KDM5A: variants seen among roughly 807,000 people sequenced by gnomAD.
KDM5A encodes lysine demethylase 5A, also known as lysine-specific demethylase 5A.
KDM5A carries 42 observed loss-of-function variants against 193.5 expected under a neutral mutation model. The ratio of observed to expected loss-of-function variants is 0.22; its 90% CI spans 0.17 to 0.28. The LOEUF (loss-of-function observed/expected upper bound fraction) is 0.28. KDM5A is among the 10% of genes least tolerant of loss of function. The probability of loss-of-function intolerance (pLI) is 1.00; values close to 1 mark genes in which losing one functional copy is unlikely to be tolerated. For synonymous variants in KDM5A, 796 were observed against 718.1 expected, an observed-to-expected ratio of 1.11 and a Z score of -1.73; for missense variants, 1,692 against 2,055.1, an observed-to-expected ratio of 0.82 and a Z score of 3.42.
At chr12:383,974 T>G in intron 3 of KDM5A, 57 bp downstream of exon 3, 1 of 1,563,478 alleles carries the variant, frequency 6.4e-7, no homozygotes, top group Non-Finnish European at 8.8e-7. Flanking sequence ...CAAATCTATT[T>G]GATATTCCTA....
rs190965732 is a variant in KDM5A at position 336,170 on chromosome 12, T to A, written c.1309-1748A>T. Among the ~76,000 whole-genome samples the A allele has an allele frequency of 2.1e-3, 320 of 150,000 alleles. 1 individual carries two copies. The highest frequency in any genetic ancestry group is 0.021 in the Middle Eastern group (6 of 282). The stretch of plus-strand genomic sequence containing the variant: ...GCCCAGGAATTTGAGACCAGCCTGG[T>A]CAACATGGCGGGACCCCATCTCTAC... On this transcript the variant is annotated intron_variant, in intron 10 of 27. Transcript: ENST00000399788.
rs764745389 is a variant in KDM5A, at chr12:322,533, A to G, written c.2310T>C (p.Ala770=). 72 of 1,612,866 alleles carry G rather than the reference A, an allele frequency of 4.5e-5. No homozygotes were observed. The highest frequency in any genetic ancestry group is 5.9e-5 in the Non-Finnish European group (70 of 1,179,306). Residue 770 remains alanine (A), a synonymous_variant, in exon 17 of 28, where the codon GCT becomes GCC. Coordinates refer to ENST00000399788, the MANE Select transcript of KDM5A (RefSeq NM_001042603.3). The stretch of plus-strand genomic sequence containing the variant: ...CATTCTCTGGGTATTTCCTATCCTC[A>G]GCATCTTCCAGCATTACTCGCAATT... The part of the protein sequence containing the change: ...LIELRVMLED[A]EDRKYPENDL...
chr12:337,022 G>A (rs1943942795), intron 10 of KDM5A, among the ~76,000 whole-genome samples: 1 of 152,142 alleles, frequency 6.6e-6, no homozygotes, highest in Non-Finnish European at 1.5e-5. Flanking sequence ...TTGGAGGAGG[G>A]ACCTGGTGGA....
Position 318,237 on chromosome 12 carries a change from C to T in KDM5A, c.2766G>A (p.Met922Ile), listed in dbSNP as rs1395825309. ...CTACCCCAGAGTCTATCAGCTTCTT[C>T]ATGACATCCAAAGTGACTTGTTGCG... ...SDPQQVTLDV[M>I]KKLIDSGVGL... is the part of the protein sequence containing the mutation. Residue 922 changes from methionine (M) to isoleucine (I), a missense_variant, in exon 19 of 28, where the codon ATG (methionine) becomes ATA (isoleucine). Met to Ile is a conservative substitution (Grantham distance 10). Transcript: ENST00000399788. 1.2e-6 allele frequency: 2 copies of T among 1,614,212 alleles called. No homozygotes were observed. The highest frequency in any genetic ancestry group is 2.2e-5 in the South Asian group (2 of 91,084).
At chr12:366,330 G>A (rs1000443661) in intron 3 of KDM5A, among the ~76,000 whole-genome samples, 2 of 152,048 alleles carry the variant, frequency 1.3e-5, no homozygotes, top group African/African-American at 4.8e-5. Flanking sequence ...TTCAAACCAA[G>A]CATTCAAAAA....
rs142695803 is a variant in KDM5A at position 336,276 on chromosome 12, G to A, written c.1309-1854C>T. 3.9e-3 allele frequency among the ~76,000 whole-genome samples: 590 copies of A among 150,432 alleles called. 6 individuals are homozygous for A. Among genetic ancestry groups the A allele is most frequent in the African/African-American group, 9.6e-3 (391 of 40,872 alleles). ...AGGGATGCTGAGGTGGGAGGATCCC[G>A]TGAGCCCGGGAGATTGAAGCTGTGA... is the stretch of plus-strand genomic sequence containing the variant. On this transcript the variant is annotated intron_variant, in intron 10 of 27. Coordinates refer to ENST00000399788, the MANE Select transcript of KDM5A (RefSeq NM_001042603.3).
At chr12:363,619 C>T (rs941917025) in intron 4 of KDM5A, among the ~76,000 whole-genome samples, 6 of 151,918 alleles carry the variant, frequency 3.9e-5, no homozygotes, top group Non-Finnish European at 8.8e-5. Context: ...ACTATACACA[C>T]AAAAAAAGCC....
chr12:308,059 A>C, intron 22 of KDM5A, 54 bp from the exon 23 acceptor site: 3 of 1,535,582 alleles, frequency 2.0e-6, no homozygotes, highest in Non-Finnish European at 2.7e-6. Flanking sequence ...ACCCCCCAAA[A>C]TACCAAATCC....
intron 20 of KDM5A, among the ~76,000 whole-genome samples, chr12:311,771 C>T (rs1468150504): frequency 5.9e-5 from 9 of 152,138 alleles, no homozygotes; most frequent in Non-Finnish European, 1.5e-5. Context: ...CGGTGGCTCA[C>T]GCCTGTAATC....
intron 26 of KDM5A, among the ~76,000 whole-genome samples, chr12:293,608 G>C (rs896341030): frequency 6.6e-6 from 1 of 151,836 alleles, no homozygotes; most frequent in Non-Finnish European, 1.5e-5. Flanking sequence ...ACGAAACCCC[G>C]ACTCTACTAA....
At chr12:298,594 A>C (rs978451277) in intron 24 of KDM5A, among the ~76,000 whole-genome samples, 6 of 152,216 alleles carry the variant, frequency 3.9e-5, no homozygotes, top group African/African-American at 1.4e-4. Context: ...GATGGGGAGA[A>C]ACCAGTACAA....
At chr12:290,632 T>G (rs1163976522) in intron 27 of KDM5A, among the ~76,000 whole-genome samples, 2 of 152,176 alleles carry the variant, frequency 1.3e-5, no homozygotes, top group East Asian at 3.8e-4. Context: ...GGTTAACAAG[T>G]GCTTTCATAG....
intron 14 of KDM5A, among the ~76,000 whole-genome samples, chr12:325,638 C>T (rs1034801978): frequency 4.6e-5 from 7 of 152,204 alleles, no homozygotes; most frequent in Admixed American, 6.5e-5. Context: ...CGTGCCACTG[C>T]ACTCCAACTC....
intron 13 of KDM5A, 68 bp from the exon 14 acceptor site, chr12:329,097 C>T (rs1353808368): frequency 3.2e-6 from 4 of 1,236,396 alleles, no homozygotes; most frequent in Non-Finnish European, 4.7e-6. Flanking sequence ...CACTACTTAC[C>T]CTCCAGGTCC....
chr12:333,278 G>A (rs1943885777), intron 12 of KDM5A: 1 of 594,460 alleles, frequency 1.7e-6, no homozygotes, highest in Non-Finnish European at 3.0e-6. Context: ...AATTAGCCGG[G>A]GGTGGTGGTG....
intron 3 of KDM5A, among the ~76,000 whole-genome samples, chr12:373,749 G>T (rs1431005898): frequency 2.0e-5 from 3 of 152,232 alleles, no homozygotes; most frequent in South Asian, 2.1e-4. Context: ...ACACTGCTTT[G>T]AATGTGTCCC....
chr12:371,952 G>A (rs951224746), intron 3 of KDM5A, among the ~76,000 whole-genome samples: 18 of 152,108 alleles, frequency 1.2e-4, no homozygotes, highest in African/African-American at 4.3e-4. Flanking sequence ...TGTTCCATTG[G>A]TCTCTATCTC....
At chr12:376,536 A>G (rs7963937) in intron 3 of KDM5A, among the ~76,000 whole-genome samples, 107,094 of 152,092 alleles carry the variant, frequency 0.7, 37,914 homozygotes, top group Middle Eastern at 0.78. Context: ...CCCAGGTGAG[A>G]CGATGCCTCG....
At chr12:346,887 T>C (rs1459176046) in intron 10 of KDM5A, among the ~76,000 whole-genome samples, 2 of 152,124 alleles carry the variant, frequency 1.3e-5, no homozygotes, top group Admixed American at 1.3e-4. Context: ...ACCACTCCTA[T>C]TCAACATAGT....
Sources: gnomAD v4.1 joint callset for allele counts (sites outside exome capture counted in the v4.1 genomes callset) on GRCh38, gnomAD v4.1.1 for gene constraint, MANE v1.5 for transcripts, NCBI Gene and HGNC (gene_info 2026-07-23, HGNC 2026-07-21) for gene names.